The following RALYL variants were observed in gnomAD, a reference collection of about 807,000 sequenced individuals.
The protein encoded by RALYL is RNA-binding Raly-like protein.
A neutral mutation model predicts 35.1 loss-of-function variants in RALYL; 29 were observed. The ratio of observed to expected loss-of-function variants is 0.83; its 90% confidence interval spans 0.61 to 1.13. RALYL has a LOEUF of 1.13. Ranked by LOEUF, RALYL falls within the 50% of genes most tolerant of loss-of-function variation. RALYL has a pLI of 0.00. For missense variants in RALYL, 359 were observed against 360.4 expected (o/e 1.00, Z 0.03); for synonymous variants, 120 against 127.6 (o/e 0.94, Z 0.40).
intron 1 of RALYL, among the ~76,000 whole-genome samples, chr8:84,298,126 T>G (rs982360064): frequency 5.3e-5 from 8 of 151,858 alleles, no homozygotes; most frequent in Non-Finnish European, 2.9e-5. Flanking sequence ...ATGTTCAGAG[T>G]GGTATTTCCT....
intron 2 of RALYL, among the ~76,000 whole-genome samples, chr8:84,761,842 T>C (rs1042681206): frequency 2.0e-5 from 3 of 152,174 alleles, no homozygotes; most frequent in African/African-American, 7.2e-5. Flanking sequence ...GCATTGTGTA[T>C]TAGGAGTTAT....
chr8:84,586,541 T>C (rs1482294403), intron 2 of RALYL, among the ~76,000 whole-genome samples: 2 of 152,184 alleles, frequency 1.3e-5, no homozygotes, highest in East Asian at 1.9e-4. Flanking sequence ...TGTAATTTCA[T>C]CTATTAAGGA....
chr8:84,796,821 A>C (rs1822032231), intron 3 of RALYL, among the ~76,000 whole-genome samples: 1 of 152,224 alleles, frequency 6.6e-6, no homozygotes, highest in South Asian at 2.1e-4. Context: ...TTAGCTAAGG[A>C]ATAACTTAAA....
intron 1 of RALYL, among the ~76,000 whole-genome samples, chr8:84,253,297 CT>C (rs1830590281): frequency 7.0e-6 from 1 of 142,994 alleles, no homozygotes; most frequent in African/African-American, 2.6e-5. Context: ...TCAAGCTATT[CT>C]CCTGCCTCAG....
intron 2 of RALYL, among the ~76,000 whole-genome samples, chr8:84,595,462 A>G (rs572453657): frequency 6.2e-4 from 94 of 152,290 alleles, no homozygotes; most frequent in Admixed American, 9.8e-4. Flanking sequence ...TAGAGTATCT[A>G]CAGTGTAGGT....
chr8:84,466,669 G>A (rs1316524253), intron 1 of RALYL, among the ~76,000 whole-genome samples: 3 of 151,568 alleles, frequency 2.0e-5, no homozygotes, highest in African/African-American at 7.3e-5. Flanking sequence ...AAATGAGTTA[G>A]GGAGGATTCC....
At chr8:84,442,669 G>A (rs1587309099) in intron 1 of RALYL, among the ~76,000 whole-genome samples, 3 of 152,240 alleles carry the variant, frequency 2.0e-5, no homozygotes, top group South Asian at 4.1e-4. Context: ...AACAGCAAAA[G>A]GAAGCTGTGA....
At chr8:84,638,693 C>G (rs1422368355) in intron 2 of RALYL, among the ~76,000 whole-genome samples, 1 of 149,666 alleles carries the variant, frequency 6.7e-6, no homozygotes, top group Admixed American at 6.7e-5. Context: ...TGTCCTCAAC[C>G]CTATGCAGTG....
At position 84,804,750 on chromosome 8, in the gene RALYL, A is replaced by G; in HGVS notation, c.333-20A>G. On this transcript the variant is annotated intron_variant, in intron 3 of 8. Coordinates refer to ENST00000521268, the MANE Select transcript of RALYL (RefSeq NM_173848.7). ...CAGCAAATTTTTATATTAAAAGAAA[A>G]TTTTCATATTTTTTCATAGACTTGA... is the stretch of plus-strand genomic sequence containing the variant. 2 of 1,154,838 alleles carry G rather than the reference A, an allele frequency of 1.7e-6. No homozygotes were observed. Among genetic ancestry groups the G allele is most frequent in the Non-Finnish European group, 2.3e-6 (2 of 879,862 alleles). 71.5% of individuals were successfully genotyped at this position (1,154,838 alleles called of 1,614,324 possible). A position where few individuals can be genotyped will look rare whatever the true frequency, so the allele number is the denominator to read the frequency against.
At chr8:84,638,835 T>A (rs1469021859) in intron 2 of RALYL, among the ~76,000 whole-genome samples, 1 of 120,292 alleles carries the variant, frequency 8.3e-6, no homozygotes, top group Non-Finnish European at 1.9e-5. Flanking sequence ...AGAAAAGACA[T>A]CTATAACAGA....
At chr8:84,684,307 A>G (rs1836294552) in intron 2 of RALYL, among the ~76,000 whole-genome samples, 1 of 152,154 alleles carries the variant, frequency 6.6e-6, no homozygotes, top group South Asian at 2.1e-4. Context: ...TGTTTATTTG[A>G]TAAATATTTA....
chr8:84,819,804 TAAAG>T (rs1828123133), intron 4 of RALYL, among the ~76,000 whole-genome samples: 1 of 152,222 alleles, frequency 6.6e-6, no homozygotes, highest in Non-Finnish European at 1.5e-5. Flanking sequence ...GTTCTGCTTA[TAAAG>T]AAAGCAGTGG....
intron 2 of RALYL, among the ~76,000 whole-genome samples, chr8:84,690,408 G>C (rs1222574390): frequency 6.6e-6 from 1 of 152,110 alleles, no homozygotes; most frequent in Non-Finnish European, 1.5e-5. Flanking sequence ...ATTGGTCAAA[G>C]AGTATAAAGT....
At chr8:84,847,452 T>G (rs1834905599) in intron 4 of RALYL, among the ~76,000 whole-genome samples, 1 of 152,096 alleles carries the variant, frequency 6.6e-6, no homozygotes, top group Non-Finnish European at 1.5e-5. Context: ...AAGATCTGCT[T>G]TAAGTATGTA....
chr8:84,184,475 T>G (rs1334638252), intron 1 of RALYL, 51 bp downstream of exon 1: 1 of 153,972 alleles, frequency 6.5e-6, no homozygotes, highest in African/African-American at 2.4e-5. Context: ...GCAACACTGG[T>G]CCTAGCAAAG....
At chr8:84,343,466 T>A (rs866108431) in intron 1 of RALYL, among the ~76,000 whole-genome samples, 20 of 152,028 alleles carry the variant, frequency 1.3e-4, no homozygotes, top group African/African-American at 4.6e-4. Flanking sequence ...CTAAACAAAA[T>A]AAGCCGTCTT....
chr8:84,233,049 CA>C (rs1563577388), intron 1 of RALYL, among the ~76,000 whole-genome samples: 2 of 152,072 alleles, frequency 1.3e-5, no homozygotes, highest in East Asian at 3.9e-4. Context: ...GGTGCAAAAT[CA>C]TAGTTCACTG....
chr8:84,897,669 C>T (rs754730413), intron 8 of RALYL, among the ~76,000 whole-genome samples: 3 of 151,938 alleles, frequency 2.0e-5, no homozygotes, highest in Admixed American at 6.6e-5. Context: ...TTATGAAAAC[C>T]GAGTATGTGA....
At chr8:84,225,191 T>G (rs1242594046) in intron 1 of RALYL, among the ~76,000 whole-genome samples, 1 of 152,218 alleles carries the variant, frequency 6.6e-6, no homozygotes. Flanking sequence ...GTATAAAATG[T>G]GTGTTGAAAT....
Sources: gnomAD v4.1 joint callset for allele counts (sites outside exome capture counted in the v4.1 genomes callset) on GRCh38, gnomAD v4.1.1 for gene constraint, MANE v1.5 for transcripts, NCBI Gene and HGNC (gene_info 2026-07-23, HGNC 2026-07-21) for gene names.